SMCO2: variants seen among roughly 807,000 people sequenced by gnomAD.
The protein encoded by SMCO2 is single-pass membrane protein with coiled-coil domains 2.
SMCO2 carries 25 observed loss-of-function variants against 29.5 expected under a neutral mutation model. The ratio of observed to expected loss-of-function variants is 0.85; its 90% CI spans 0.62 to 1.18. The LOEUF is 1.18. SMCO2 is among the 50% of genes most tolerant of loss of function. The probability of loss-of-function intolerance (pLI) is 0.00; values close to 1 mark genes in which losing one functional copy is unlikely to be tolerated. For synonymous variants in SMCO2, 117 were observed against 123.3 expected (o/e 0.95, Z 0.34); for missense variants, 348 against 344.5 (o/e 1.01, Z -0.08).
chr12:27,495,439 G>A (rs1049715029), intron 6 of SMCO2, among the ~76,000 whole-genome samples: 1 of 150,458 alleles, frequency 6.6e-6, no homozygotes, highest in African/African-American at 2.5e-5. Flanking sequence ...ATAATCTAGT[G>A]GTTAAAGATT....
At chr12:27,438,046 C>G in the SMCO2 span, among the ~76,000 whole-genome samples, 1 of 152,214 alleles carries the variant, frequency 6.6e-6, no homozygotes, top group Non-Finnish European at 1.5e-5. Flanking sequence ...TTTCACTTCT[C>G]CAATTCACTT....
chr12:27,434,563 A>G, the SMCO2 span, among the ~76,000 whole-genome samples: 1 of 152,334 alleles, frequency 6.6e-6, no homozygotes, highest in East Asian at 1.9e-4. Flanking sequence ...TTTAGAACAC[A>G]AAAAGAAGAT....
At chr12:27,471,358 A>C (rs553327426) in intron 2 of SMCO2, among the ~76,000 whole-genome samples, 1 of 152,178 alleles carries the variant, frequency 6.6e-6, no homozygotes, top group South Asian at 2.1e-4. Flanking sequence ...AGCAATATTT[A>C]TTCATTCTAT....
chr12:27,447,728 CA>C, the SMCO2 span, among the ~76,000 whole-genome samples: 82,512 of 113,372 alleles, frequency 0.73, 27,891 homozygotes, highest in Middle Eastern at 0.88. Flanking sequence ...GACTCTGTCT[CA>C]AAAAAAAAAA....
chr12:27,458,222 T>C, the SMCO2 span, among the ~76,000 whole-genome samples: 1 of 152,204 alleles, frequency 6.6e-6, no homozygotes, highest in South Asian at 2.1e-4. Context: ...TCACACATTC[T>C]TTGATTAATG....
chr12:27,466,324 A>G (rs1949498190), upstream of SMCO2, among the ~76,000 whole-genome samples: 1 of 152,182 alleles, frequency 6.6e-6, no homozygotes, highest in Non-Finnish European at 1.5e-5. Flanking sequence ...AGGCAGGAGA[A>G]TCACTTGAAC....
chr12:27,430,431 A>G, the SMCO2 span, among the ~76,000 whole-genome samples: 1 of 152,236 alleles, frequency 6.6e-6, no homozygotes, highest in South Asian at 2.1e-4. Context: ...TGACTTTAAC[A>G]TTTCCTTTTA....
intron 4 of SMCO2, among the ~76,000 whole-genome samples, chr12:27,479,734 G>A (rs564822353): frequency 1.3e-5 from 2 of 152,242 alleles, no homozygotes; most frequent in African/African-American, 4.8e-5. Context: ...ATAAAAGGGA[G>A]TTCCCCTACA....
rs1555176026 is a variant in SMCO2 at position 27,501,422 on chromosome 12, A to AC, written c.684-501_684-500insC. Among the ~76,000 whole-genome samples the AC allele has an allele frequency of 3.2e-3, 408 of 127,758 alleles. 30 individuals carry two copies. Among genetic ancestry groups the AC allele is most frequent in the African/African-American group, 0.014 (362 of 26,762 alleles). The allele number at this position is 127,758 out of a possible 152,430, so 83.8% of individuals were successfully genotyped here. On this transcript the variant is annotated intron_variant, in intron 7 of 7. Coordinates refer to ENST00000298876, the Ensembl canonical transcript of SMCO2. ...AAGAGTGAGACTCCGTCTCAAAAAA[A>AC]AAAAAAAAAAAAAAACAAACAAACA...
At chr12:27,474,786 G>A (rs1166838213) in exon 4 of SMCO2, 1 of 1,551,456 alleles carries the variant, frequency 6.4e-7, no homozygotes, top group South Asian at 1.2e-5. Flanking sequence ...TCTTTACCAG[G>A]GTATGTTGGA....
intron 4 of SMCO2, among the ~76,000 whole-genome samples, chr12:27,479,288 G>A (rs1949619393): frequency 1.3e-5 from 2 of 151,818 alleles, no homozygotes; most frequent in Non-Finnish European, 1.5e-5. Context: ...GGTGGGGTAG[G>A]CTGCTCCTCA....
At chr12:27,482,899 G>C (rs1949657496) in intron 4 of SMCO2, among the ~76,000 whole-genome samples, 1 of 152,106 alleles carries the variant, frequency 6.6e-6, no homozygotes, top group Admixed American at 6.5e-5. Context: ...GCTAATTTTT[G>C]TATTTTTTGT....
the SMCO2 span, among the ~76,000 whole-genome samples, chr12:27,429,426 A>G: frequency 6.6e-6 from 1 of 152,014 alleles, no homozygotes; most frequent in Non-Finnish European, 1.5e-5. Context: ...AATTGTACAA[A>G]GTAATGCGTA....
rs115667978 is a variant in SMCO2, at chr12:27,475,594, C to T, written c.362+681C>T. 3.9e-3 allele frequency: 5,946 copies of T among 1,540,294 alleles called. 240 individuals carry two copies. The African/African-American group carries it at 0.074, about 19-fold the overall frequency. On this transcript the variant is annotated intron_variant, in intron 4 of 7. Coordinates refer to ENST00000298876, the Ensembl canonical transcript of SMCO2. ...AATATTTCCGCAGGTGTCTGAAGGG[C>T]ATGTTCCTCAAGCTAAACTACTGGA...
chr12:27,426,127 C>A, the SMCO2 span, among the ~76,000 whole-genome samples: 153 of 152,230 alleles, frequency 1.0e-3, no homozygotes, highest in Middle Eastern at 3.4e-3. Flanking sequence ...TCTCCTCTTC[C>A]CCAGGTCTCC....
intron 4 of SMCO2, among the ~76,000 whole-genome samples, chr12:27,483,424 T>C (rs547877887): frequency 3.3e-5 from 5 of 152,106 alleles, no homozygotes; most frequent in Admixed American, 6.5e-5. Context: ...TTCTCTTTGT[T>C]TTTTTTCTTT....
At chr12:27,441,833 A>G in the SMCO2 span, among the ~76,000 whole-genome samples, 2 of 152,190 alleles carry the variant, frequency 1.3e-5, no homozygotes, top group Non-Finnish European at 2.9e-5. Flanking sequence ...GGTCTGCATA[A>G]ATTCAAAAAA....
At chr12:27,453,820 A>G in the SMCO2 span, among the ~76,000 whole-genome samples, 1 of 152,254 alleles carries the variant, frequency 6.6e-6, no homozygotes, top group Non-Finnish European at 1.5e-5. Flanking sequence ...TTTTAAAGCA[A>G]CACATTGTTT....
chr12:27,456,839 C>T, the SMCO2 span, among the ~76,000 whole-genome samples: 2 of 152,238 alleles, frequency 1.3e-5, no homozygotes, highest in Middle Eastern at 6.8e-3. Context: ...AGGACCTGGG[C>T]CGCACAGCAG....
Sources: allele counts gnomAD v4.1 joint callset (sites outside exome capture counted in the v4.1 genomes callset), GRCh38; gene constraint gnomAD v4.1.1; transcripts MANE v1.5; gene names NCBI Gene and HGNC (gene_info 2026-07-23, HGNC 2026-07-21).